KATNIP: variants seen among roughly 807,000 people sequenced by gnomAD.
KATNIP encodes the protein katanin interacting protein, also known as katanin-interacting protein.
In KATNIP, 126 loss-of-function variants were observed where a neutral mutation model predicts 174.0. The ratio of observed to expected loss-of-function variants is 0.72; its 90% CI spans 0.63 to 0.84. The LOEUF is 0.84. Ranked by LOEUF, KATNIP falls within the 40% of genes least tolerant of loss-of-function variation. KATNIP has a pLI of 0.00. For missense variants in KATNIP, 1,958 were observed against 2,109.7 expected (o/e 0.93, Z 1.41); for synonymous variants, 810 against 835.7 (o/e 0.97, Z 0.53).
In KATNIP at chr16:27,750,308, T is replaced by G; in HGVS notation, c.3346+2T>G. On this transcript the variant is annotated splice_donor_variant, in intron 16 of 27. Coordinates refer to ENST00000261588, the MANE Select transcript of KATNIP (RefSeq NM_015202.5). LOFTEE classifies it high-confidence loss of function. Reference sequence around the variant, plus strand: ...AGGCCTCTGGAACCCTGGCGGGAGGTATGGCGTGTCTGTAAGAATTTTCTC... The same window carrying G: ...AGGCCTCTGGAACCCTGGCGGGAGGGATGGCGTGTCTGTAAGAATTTTCTC... 1 of 1,599,768 alleles carries G rather than the reference T, an allele frequency of 6.3e-7. No homozygotes were observed. Among genetic ancestry groups the G allele is most frequent in the South Asian group, 1.1e-5 (1 of 87,770 alleles).
chr16:27,749,749 A>G lies in KATNIP; in HGVS notation c.2789A>G (p.Gln930Arg), dbSNP rs1192662539. ...GACATCCTGGATGAGCTCCTGCAGC[A>G]AAAGAGCAGCCGGCACAGCGACTTG... Reference protein sequence around the residue: ...PGDILDELLQQKSSRHSDLPP... With the variant: ...PGDILDELLQRKSSRHSDLPP... Residue 930 changes from glutamine to arginine, a missense_variant, in exon 16 of 28, where the codon CAA (glutamine) becomes CGA (arginine). Transcript: ENST00000261588. The G allele has an allele frequency of 2.3e-5, 37 of 1,612,226 alleles. No homozygotes were observed. Among genetic ancestry groups the G allele is most frequent in the Non-Finnish European group, 3.1e-5 (36 of 1,179,056 alleles).
chr16:27,573,943 G>C lies in KATNIP; in HGVS notation c.50G>C (p.Arg17Pro). The change falls in exon 2 of 28, where the codon CGA (arginine) becomes CCA (proline). Residue 17 changes from arginine to proline, a missense_variant. Coordinates refer to ENST00000261588, the MANE Select transcript of KATNIP (RefSeq NM_015202.5). The stretch of plus-strand genomic sequence containing the variant: ...GCCGAGAGAAGCTGGTCCTGCTCAC[G>C]AGAGAAAAAGGAGGTAAATGTGTCC... ...RKAERSWSCSREKKEGYAKDM... is the reference protein window; with the variant it reads ...RKAERSWSCSPEKKEGYAKDM... 4 of 1,614,134 alleles carry C rather than the reference G, an allele frequency of 2.5e-6. No individual in the cohort carries two copies. The highest frequency in any genetic ancestry group is 3.4e-6 in the Non-Finnish European group (4 of 1,180,006).
intron 8 of KATNIP, among the ~76,000 whole-genome samples, chr16:27,686,527 C>A (rs149188810): frequency 6.6e-6 from 1 of 152,086 alleles, no homozygotes; most frequent in East Asian, 1.9e-4. Context: ...TTAGTTTTAT[C>A]CTCTAACAAT....
chr16:27,712,620 C>G (rs916165394), intron 13 of KATNIP, among the ~76,000 whole-genome samples: 2 of 152,134 alleles, frequency 1.3e-5, no homozygotes, highest in African/African-American at 4.8e-5. Context: ...GTGCCCCAGC[C>G]TCTATGGAAA....
At chr16:27,634,662 C>A (rs1000521741) in intron 5 of KATNIP, among the ~76,000 whole-genome samples, 3 of 152,218 alleles carry the variant, frequency 2.0e-5, no homozygotes, top group Non-Finnish European at 4.4e-5. Flanking sequence ...ACTCCATGCC[C>A]TGTGCTTAGC....
At chr16:27,605,898 G>T (rs1270689175) in intron 2 of KATNIP, among the ~76,000 whole-genome samples, 5 of 152,214 alleles carry the variant, frequency 3.3e-5, no homozygotes, top group Non-Finnish European at 7.3e-5. Flanking sequence ...GGGAGGCCAA[G>T]GAGGGTGGAT....
chr16:27,734,950 G>C (rs1450657895), intron 14 of KATNIP, among the ~76,000 whole-genome samples: 1 of 152,222 alleles, frequency 6.6e-6, no homozygotes, highest in Non-Finnish European at 1.5e-5. Context: ...TTCCCTTGCA[G>C]GATTGTTCTG....
rs569854901 is a variant in KATNIP at position 27,698,484 on chromosome 16, C to T, written c.1097C>T (p.Pro366Leu). ...CTCCTCAGCAGAAAGGCCGAGCAGC[C>T]AGCCAGCCCACTGCAGGTGCGCTCC... The part of the protein sequence containing the change: ...RALLSRKAEQ[P>L]ASPLQDAEGP... Residue 366 changes from proline (P) to leucine (L), a missense_variant, in exon 9 of 28, where the codon CCA becomes CTA. Pro to Leu is a moderately conservative substitution (Grantham distance 98). Transcript: ENST00000261588. 9.8e-5 allele frequency: 157 copies of T among 1,610,002 alleles called. No homozygotes were observed. The highest frequency in any genetic ancestry group is 1.8e-4 in the Admixed American group (11 of 59,876).
chr16:27,602,002 G>C (rs2075542609), intron 2 of KATNIP, among the ~76,000 whole-genome samples: 2 of 152,194 alleles, frequency 1.3e-5, no homozygotes, highest in South Asian at 4.1e-4. Flanking sequence ...CATCAGGCCT[G>C]GTGGCCAGTC....
At chr16:27,589,151 C>T (rs1423020166) in intron 2 of KATNIP, among the ~76,000 whole-genome samples, 3 of 151,982 alleles carry the variant, frequency 2.0e-5, no homozygotes, top group East Asian at 1.9e-4. Context: ...AGTGATCTGC[C>T]TGCCTTGGCC....
Position 27,573,568 on chromosome 16 carries a change from A to T in KATNIP, c.8-333A>T, listed in dbSNP as rs114865821. On this transcript the variant is annotated intron_variant, in intron 1 of 27. Transcript: ENST00000261588. ...AAGGCATTCTTGTGGAAGGCATTTT[A>T]TGTAATTCCAAACAATTTAATAAAA... Among the ~76,000 whole-genome samples the T allele has an allele frequency of 6.7e-3, 1,017 of 152,352 alleles. 15 individuals are homozygous for T. Among genetic ancestry groups the T allele is most frequent in the African/African-American group, 0.023 (975 of 41,584 alleles).
chr16:27,614,698 A>T (rs2075991668), intron 2 of KATNIP, among the ~76,000 whole-genome samples: 2 of 152,192 alleles, frequency 1.3e-5, no homozygotes. Context: ...AGCCAGAAGC[A>T]AAGTCCCAGT....
chr16:27,751,724 G>A lies in KATNIP; in HGVS notation c.3352G>A (p.Glu1118Lys). Residue 1118 changes from glutamate to lysine, a missense_variant, in exon 17 of 28, where the codon GAG becomes AAG. Physicochemically the swap from Glu to Lys is moderately conservative, Grantham distance 56. Coordinates refer to ENST00000261588, the MANE Select transcript of KATNIP (RefSeq NM_015202.5). ...TCATCTTGATAACCCATTAGCCCCA[G>A]AGCACTTTGGAGACACGATCTTATT... ...KASGTLAGAP[E>K]HFGDTILFTT... The A allele has an allele frequency of 1.2e-6, 2 of 1,614,180 alleles. No individual in the cohort carries two copies. Among genetic ancestry groups the A allele is most frequent in the Non-Finnish European group, 8.5e-7 (1 of 1,180,010 alleles).
intron 3 of KATNIP, 89 bp downstream of exon 3, chr16:27,618,590 A>G: frequency 1.1e-6 from 1 of 884,352 alleles, no homozygotes; most frequent in Non-Finnish European, 1.9e-6. Flanking sequence ...CCTGCCTCAC[A>G]TAGGAATGGG....
At chr16:27,658,366 A>G (rs1220395452) in intron 6 of KATNIP, among the ~76,000 whole-genome samples, 1 of 152,248 alleles carries the variant, frequency 6.6e-6, no homozygotes, top group Non-Finnish European at 1.5e-5. Flanking sequence ...GCACATTTTT[A>G]GCAAAAGAAC....
In KATNIP at chr16:27,641,602, G is replaced by C. The variant is rs1008906184; in HGVS notation, c.409-7002G>C. On this transcript the variant is annotated intron_variant, in intron 5 of 27. Transcript: ENST00000261588. Reference sequence around the variant, plus strand: ...GGGTGCTTTTACCAAACACAGGGGAGTATGTGCTGGACAGGCAGAAGCAAC... The same window carrying C: ...GGGTGCTTTTACCAAACACAGGGGACTATGTGCTGGACAGGCAGAAGCAAC... 3.9e-5 allele frequency among the ~76,000 whole-genome samples: 6 copies of C among 152,224 alleles called. 1 individual carries two copies. The highest frequency in any genetic ancestry group is 1.4e-4 in the African/African-American group (6 of 41,464).
intron 1 of KATNIP, among the ~76,000 whole-genome samples, chr16:27,551,472 T>G (rs2089365933): frequency 6.6e-6 from 1 of 152,252 alleles, no homozygotes; most frequent in Non-Finnish European, 1.5e-5. Context: ...CTTTTAAGCC[T>G]TGGGACCCCT....
intron 2 of KATNIP, among the ~76,000 whole-genome samples, chr16:27,616,072 T>TA (rs905019104): frequency 4.1e-4 from 62 of 152,022 alleles, no homozygotes; most frequent in African/African-American, 1.4e-3. Flanking sequence ...GCAACAAAGT[T>TA]AAAAAAAACA....
chr16:27,741,766 G>A (rs543651217), intron 15 of KATNIP, among the ~76,000 whole-genome samples: 76 of 152,192 alleles, frequency 5.0e-4, no homozygotes, highest in African/African-American at 1.6e-3. Context: ...AGCCAGGCAT[G>A]TGGTGCGTTC....
Sources: gnomAD v4.1 joint callset for allele counts (sites outside exome capture counted in the v4.1 genomes callset) on GRCh38, gnomAD v4.1.1 for gene constraint, MANE v1.5 for transcripts, NCBI Gene and HGNC (gene_info 2026-07-23, HGNC 2026-07-21) for gene names.